Variants in SPTA1 observed in about 807,000 individuals in gnomAD.
SPTA1 encodes spectrin alpha chain, erythrocytic 1.
SPTA1 carries 177 observed loss-of-function variants against 324.7 expected under a neutral mutation model. The ratio of observed to expected loss-of-function variants is 0.55; its 90% CI spans 0.48 to 0.62. The LOEUF (loss-of-function observed/expected upper bound fraction) is 0.62, where lower values mean the gene tolerates loss of function less well. Among genes scored for constraint, SPTA1 ranks in the 20% least tolerant of loss-of-function variants. The pLI is 0.00. For synonymous variants in SPTA1, 1,195 were observed against 1,041.3 expected (o/e 1.15, Z -2.84); for missense variants, 3,162 against 2,883.6 (o/e 1.10, Z -2.21).
intron 14 of SPTA1, among the ~76,000 whole-genome samples, 167 bp downstream of exon 14, chr1:158,669,241 T>A (rs1199052308): frequency 6.6e-6 from 1 of 152,190 alleles, no homozygotes; most frequent in Non-Finnish European, 1.5e-5. Context: ...GATATTTAAC[T>A]GTATAAATAG....
At chr1:158,614,593 T>G (rs111694709) in intron 48 of SPTA1, 6 of 346,940 alleles carry the variant, frequency 1.7e-5, no homozygotes, top group African/African-American at 1.0e-4. Context: ...AATGTCCATA[T>G]ATAAAGCTTT....
At chr1:158,672,522 C>T (rs936267843) in intron 10 of SPTA1, among the ~76,000 whole-genome samples, 6 of 152,096 alleles carry the variant, frequency 3.9e-5, no homozygotes, top group Non-Finnish European at 8.8e-5. Context: ...GGACTTAATG[C>T]CATAAGCAAA....
At chr1:158,629,538 G>T (rs1199136365) in intron 39 of SPTA1, among the ~76,000 whole-genome samples, 1 of 152,050 alleles carries the variant, frequency 6.6e-6, no homozygotes, top group South Asian at 2.1e-4. Context: ...TTGCTTCAAC[G>T]TGATAAAGTA....
intron 15 of SPTA1, 115 bp from the exon 16 acceptor site, chr1:158,666,612 G>A: frequency 2.2e-6 from 2 of 923,902 alleles, no homozygotes; most frequent in Non-Finnish European, 3.4e-6. Context: ...TGCAAAGAGG[G>A]AAATATAACT....
chr1:158,638,351 T>A, intron 35 of SPTA1, 110 bp from the exon 36 acceptor site: 2 of 1,093,154 alleles, frequency 1.8e-6, no homozygotes, highest in Non-Finnish European at 2.7e-6. Flanking sequence ...GGATTGCTTT[T>A]AAAGACATGG....
intron 51 of SPTA1, chr1:158,612,241 A>C (rs781329762): frequency 2.5e-4 from 39 of 158,458 alleles, no homozygotes; most frequent in Non-Finnish European, 4.9e-4. Context: ...TGATGACTTG[A>C]TGAGTTCCTG....
chr1:158,651,158 G>T (rs1652398563), intron 24 of SPTA1, among the ~76,000 whole-genome samples: 1 of 152,188 alleles, frequency 6.6e-6, no homozygotes, highest in Non-Finnish European at 1.5e-5. Context: ...TAACAAATGA[G>T]CCTGCTTTAA....
At chr1:158,648,208 A>T (rs1652142169) in intron 26 of SPTA1, among the ~76,000 whole-genome samples, 1 of 152,188 alleles carries the variant, frequency 6.6e-6, no homozygotes, top group Non-Finnish European at 1.5e-5. Context: ...CTTCTGGGCT[A>T]CTGGCCTCCA....
At chr1:158,621,872 T>A (rs1187806345) in intron 43 of SPTA1, among the ~76,000 whole-genome samples, 1 of 152,192 alleles carries the variant, frequency 6.6e-6, no homozygotes, top group African/African-American at 2.4e-5. Flanking sequence ...TTTCCTTTTA[T>A]TTATTTTTTG....
rs1557990681 is a variant in SPTA1, at chr1:158,677,803, C to T, written c.844G>A (p.Glu282Lys). ...TCAGAGGTGAGTACAGGTTCCTTCT[C>T]CTTGATCCACTGGATGGCTTCAGTC... Reference protein sequence around the residue: ...DVTEAIQWIKEKEPVLTSEDY... With the variant: ...DVTEAIQWIKKKEPVLTSEDY... Residue 282 changes from glutamate to lysine, a missense_variant, in exon 7 of 52, where the codon GAG becomes AAG. By Grantham distance (56) the Glu-to-Lys change is moderately conservative. Coordinates refer to ENST00000643759, the MANE Select transcript of SPTA1 (RefSeq NM_003126.4). The T allele has an allele frequency of 1.9e-6, 3 of 1,613,642 alleles. No homozygotes were observed. The highest frequency in any genetic ancestry group is 2.5e-6 in the Non-Finnish European group (3 of 1,179,706).
Position 158,657,466 on chromosome 1 carries a change from C to A in SPTA1, c.2805+11G>T, listed in dbSNP as rs1384366217. Reference sequence around the variant, plus strand: ...TGAGGATTCACAATGTTAAACCCACCCCCACCTTACCCCAGCTGCTTCTTC... The same window carrying A: ...TGAGGATTCACAATGTTAAACCCACACCCACCTTACCCCAGCTGCTTCTTC... On this transcript the variant is annotated intron_variant, in intron 19 of 51. Coordinates refer to ENST00000643759, the MANE Select transcript of SPTA1 (RefSeq NM_003126.4). 2 of 1,485,670 alleles carry A rather than the reference C, an allele frequency of 1.3e-6. No homozygotes were observed. The highest frequency in any genetic ancestry group is 1.4e-5 in the African/African-American group (1 of 69,918). The allele number at this position is 1,485,670 out of a possible 1,614,324, so 92.0% of individuals were successfully genotyped here. A position where few individuals can be genotyped will look rare whatever the true frequency, so the allele number is the denominator to read the frequency against.
intron 23 of SPTA1, among the ~76,000 whole-genome samples, chr1:158,652,246 G>T (rs1216520316): frequency 1.3e-5 from 2 of 152,168 alleles, no homozygotes; most frequent in African/African-American, 2.4e-5. Context: ...TTTTGGAGTG[G>T]CAGGCACTGA....
chr1:158,632,624 T>C (rs185614671), intron 39 of SPTA1, among the ~76,000 whole-genome samples: 130 of 152,316 alleles, frequency 8.5e-4, no homozygotes, highest in African/African-American at 2.9e-3. Context: ...TATATATCTA[T>C]GTGAATGACT....
rs760320150 is a variant in SPTA1, at chr1:158,620,154, C to T, written c.6417+16G>A. The T allele has an allele frequency of 2.5e-6, 4 of 1,613,992 alleles. No individual in the cohort carries two copies. Among genetic ancestry groups the T allele is most frequent in the Non-Finnish European group, 3.4e-6 (4 of 1,179,998 alleles). On this transcript the variant is annotated intron_variant, in intron 44 of 51. Coordinates refer to ENST00000643759, the MANE Select transcript of SPTA1 (RefSeq NM_003126.4). ...TCACTGTAGTGAAAGGAAGTTTCTG[C>T]CGTGTTCCAGGTTACCTCAATGATG...
At chr1:158,668,235 T>C (rs1653756628) in intron 14 of SPTA1, among the ~76,000 whole-genome samples, 173 bp from the exon 15 acceptor site, 3 of 152,206 alleles carry the variant, frequency 2.0e-5, no homozygotes, top group Admixed American at 2.0e-4. Flanking sequence ...TGAATCCCTC[T>C]TTCTACATGT....
intron 7 of SPTA1, 144 bp from the exon 8 acceptor site, chr1:158,676,439 T>G: frequency 1.2e-6 from 1 of 807,310 alleles, no homozygotes; most frequent in Non-Finnish European, 2.0e-6. Context: ...AATATACTAA[T>G]GTACTACATT....
intron 32 of SPTA1, 84 bp from the exon 33 acceptor site, chr1:158,642,626 T>A: frequency 1.9e-6 from 3 of 1,587,790 alleles, no homozygotes; most frequent in Non-Finnish European, 2.6e-6. Context: ...AAGGAAGGGC[T>A]AATATTTCTA....
rs1487815036 is a variant in SPTA1, at chr1:158,648,516, C to T, written c.3707G>A (p.Gly1236Glu). Reference sequence around the variant, plus strand: ...TTGAAGGACTTGTCTCACCTTATCTCCCAGGGGTACGAGGTCCCTTTCAAA... The same window carrying T: ...TTGAAGGACTTGTCTCACCTTATCTTCCAGGGGTACGAGGTCCCTTTCAAA... ...EGFERDLVPLGDKVTILGETA... is the reference protein window; with the variant it reads ...EGFERDLVPLEDKVTILGETA... The change falls in exon 26 of 52, where the codon GGA becomes GAA. Residue 1236 changes from glycine (G) to glutamate (E), a missense_variant. Coordinates refer to ENST00000643759, the MANE Select transcript of SPTA1 (RefSeq NM_003126.4). The T allele has an allele frequency of 5.6e-6, 9 of 1,613,762 alleles. No homozygotes were observed. Among genetic ancestry groups the T allele is most frequent in the African/African-American group, 1.3e-5 (1 of 74,874 alleles).
At chr1:158,679,001 G>T (rs778385024) in intron 5 of SPTA1, among the ~76,000 whole-genome samples, 1 of 151,872 alleles carries the variant, frequency 6.6e-6, no homozygotes, top group Non-Finnish European at 1.5e-5. Context: ...TTATAGACAC[G>T]TGCTTTCACG....
Sources: gnomAD v4.1 joint callset for allele counts (sites outside exome capture counted in the v4.1 genomes callset) on GRCh38, gnomAD v4.1.1 for gene constraint, MANE v1.5 for transcripts, NCBI Gene and HGNC (gene_info 2026-07-23, HGNC 2026-07-21) for gene names.